The following DENND3 variants were observed in gnomAD, a reference collection of about 807,000 sequenced individuals.
The protein encoded by DENND3 is DENN domain-containing protein 3.
A neutral mutation model predicts 135.1 loss-of-function variants in DENND3; 88 were observed. The ratio of observed to expected loss-of-function variants is 0.65; its 90% confidence interval spans 0.55 to 0.78. The LOEUF (loss-of-function observed/expected upper bound fraction) is 0.78, where lower values mean the gene tolerates loss of function less well. DENND3 is among the 30% of genes least tolerant of loss of function. DENND3 has a pLI of 0.00. For synonymous variants in DENND3, 693 were observed against 712.3 expected (o/e 0.97, Z 0.43); for missense variants, 1,392 against 1,688.4 (o/e 0.82, Z 3.08).
At position 141,166,756 on chromosome 8, in the gene DENND3, G is replaced by A. The variant is rs774641907; in HGVS notation, c.1753+367G>A. Among the ~76,000 whole-genome samples the A allele has an allele frequency of 1.3e-4, 20 of 152,202 alleles. No homozygotes were observed. The highest frequency in any genetic ancestry group is 2.4e-4 in the African/African-American group (10 of 41,444). On this transcript the variant is annotated intron_variant, in intron 12 of 22. Transcript: ENST00000519811. This position sits in a 1 kb window ranked among gnomAD's most constrained non-coding sequence, Gnocchi z 4.3. Reference sequence around the variant, plus strand: ...AGCGCACCAGGCACTTTCTAGAGCCGGAGCTGTGAAGGAGCCCAGTGCCCC... The same window carrying A: ...AGCGCACCAGGCACTTTCTAGAGCCAGAGCTGTGAAGGAGCCCAGTGCCCC...
chr8:141,165,408 C>A, intron 11 of DENND3, 119 bp downstream of exon 11: 1 of 718,548 alleles, frequency 1.4e-6, no homozygotes, highest in Non-Finnish European at 2.3e-6. Flanking sequence ...TGCTTAGAAA[C>A]TCATGATGAA....
Position 141,185,190 on chromosome 8 carries a change from G to T in DENND3, c.2996G>T (p.Cys999Phe). The T allele has an allele frequency of 1.2e-6, 2 of 1,614,220 alleles. No individual in the cohort carries two copies. Among genetic ancestry groups the T allele is most frequent in the African/African-American group, 2.7e-5 (2 of 75,060 alleles). The change falls in exon 18 of 23, where the codon TGT becomes TTT. Residue 999 changes from cysteine (C) to phenylalanine (F), a missense_variant. Cys to Phe is a radical substitution (Grantham distance 205). Transcript: ENST00000519811. ...GAAGATGCTCACCCCAAGTTATGGT[G>T]TGCTCTGAGCGAAGGCAAGGTGACC... The part of the protein sequence containing the change: ...KVEDAHPKLW[C>F]ALSEGKVTVF...
chr8:141,193,023 C>A (rs71516606), intron 22 of DENND3: 10 of 667,018 alleles, frequency 1.5e-5, no homozygotes, highest in African/African-American at 9.5e-5. Flanking sequence ...TTCTCTCCCC[C>A]ACCCGCTCAT....
chr8:141,150,744 T>C (rs1818696614), intron 5 of DENND3, 90 bp from the exon 6 acceptor site: 2 of 1,444,106 alleles, frequency 1.4e-6, no homozygotes, highest in Non-Finnish European at 1.8e-6. Flanking sequence ...CTAACTCTGA[T>C]GCCCTGGGCA....
chr8:141,134,395 C>T (rs917691214), intron 1 of DENND3, among the ~76,000 whole-genome samples: 75 of 149,744 alleles, frequency 5.0e-4, no homozygotes, highest in African/African-American at 1.6e-3. Flanking sequence ...CCCGGGTTCA[C>T]GCCATTCTCC....
Position 141,168,375 on chromosome 8 carries a change from C to T in DENND3, c.2125C>T (p.His709Tyr). 6.2e-7 allele frequency: 1 copy of T among 1,613,902 alleles called. No homozygotes were observed. Among genetic ancestry groups the T allele is most frequent in the Non-Finnish European group, 8.5e-7 (1 of 1,180,016 alleles). Residue 709 changes from histidine to tyrosine, a missense_variant, in exon 13 of 23, where the codon CAC becomes TAC. Coordinates refer to ENST00000519811, the MANE Select transcript of DENND3 (RefSeq NM_001352890.3). This position sits in a 1 kb window ranked among gnomAD's most constrained non-coding sequence, Gnocchi z 6.2. ...RLISEILDKP[H>Y]EASKLDDHVK... ...CATCAGCGAGATCCTGGACAAGCCG[C>T]ACGAGGCCTCGAAGCTGGACGACCA...
At chr8:141,183,419 ATTTTTTTT>A (rs1224506549) in intron 17 of DENND3, among the ~76,000 whole-genome samples, 1 of 121,640 alleles carries the variant, frequency 8.2e-6, no homozygotes, top group East Asian at 2.4e-4. Context: ...CAATTTTTGT[ATTTTTTTT>A]TTTTTTTTTT....
At chr8:141,189,173 G>A (rs762219498) in intron 19 of DENND3, 27 bp downstream of exon 19, 1 of 1,613,860 alleles carries the variant, frequency 6.2e-7, no homozygotes, top group East Asian at 2.2e-5. Context: ...TGGGGAGAAG[G>A]GACTGTTTGG....
At chr8:141,193,910 GC>G (rs1825100515) in intron 22 of DENND3, 122 bp from the exon 23 acceptor site, 1 of 1,113,804 alleles carries the variant, frequency 9.0e-7, no homozygotes, top group Non-Finnish European at 1.3e-6. Context: ...GGCGGCAGAG[GC>G]CCTGTCCAGG....
rs111576180 is a variant in DENND3 at position 141,182,055 on chromosome 8, C to T, written c.2944+1201C>T. On this transcript the variant is annotated intron_variant, in intron 17 of 22. Coordinates refer to ENST00000519811, the MANE Select transcript of DENND3 (RefSeq NM_001352890.3). The surrounding 1 kb of genome is among the most constrained non-coding windows in gnomAD (Gnocchi z 5.9). ...GCGATACCTCTCCACCTTGGCCTCC[C>T]GAAGCGCTGGGATTACAGGTGTGAG... Among the ~76,000 whole-genome samples, 717 of 152,256 alleles carry T rather than the reference C, an allele frequency of 4.7e-3. 4 individuals are homozygous for T. Among genetic ancestry groups the T allele is most frequent in the African/African-American group, 0.017 (693 of 41,538 alleles).
At chr8:141,161,758 G>A (rs560593759) in intron 9 of DENND3, among the ~76,000 whole-genome samples, 13 of 150,026 alleles carry the variant, frequency 8.7e-5, no homozygotes, top group African/African-American at 3.2e-4. Flanking sequence ...TGGCTTGATC[G>A]TACTCTGCGT....
At chr8:141,134,708 G>GCTGC (rs1646337989) in intron 1 of DENND3, among the ~76,000 whole-genome samples, 1 of 152,152 alleles carries the variant, frequency 6.6e-6, no homozygotes, top group African/African-American at 2.4e-5. Flanking sequence ...GATGGAAACT[G>GCTGC]CTGCCGTTGT....
Position 141,190,408 on chromosome 8 carries a change from C to T in DENND3, c.3370C>T (p.Leu1124=), listed in dbSNP as rs901791685. 1 of 1,608,808 alleles carries T rather than the reference C, an allele frequency of 6.2e-7. No homozygotes were observed. The highest frequency in any genetic ancestry group is 8.5e-7 in the Non-Finnish European group (1 of 1,178,554). Residue 1124 remains leucine (L), a synonymous_variant, in exon 20 of 23, where the codon CTG becomes TTG. Coordinates refer to ENST00000519811, the MANE Select transcript of DENND3 (RefSeq NM_001352890.3). ...LTSIRLHGGR[L]WCCTGNSIMV... ...GTCCATCAGACTGCACGGCGGCCGC[C>T]TGTGGTGCTGTAAGTCCGGCCCCTG...
chr8:141,151,072 C>T (rs1366011956), intron 6 of DENND3, 119 bp downstream of exon 6: 23 of 1,332,018 alleles, frequency 1.7e-5, no homozygotes, highest in Non-Finnish European at 2.1e-5. Context: ...CTGGTATACT[C>T]GAAATGTTTA....
rs1463280906 is a variant in DENND3 at position 141,141,413 on chromosome 8, G to GT, written c.623+90dup. The GT allele has an allele frequency of 8.5e-5, 126 of 1,484,116 alleles. No individual in the cohort carries two copies. The African/African-American group carries it at 1.7e-3, about 20-fold the overall frequency. The allele number at this position is 1,484,116 out of a possible 1,614,324, so 91.9% of individuals were successfully genotyped here. A position where few individuals can be genotyped will look rare whatever the true frequency, so the allele number is the denominator to read the frequency against. On this transcript the variant is annotated intron_variant, in intron 4 of 22. Coordinates refer to ENST00000519811, the MANE Select transcript of DENND3 (RefSeq NM_001352890.3). This position sits in a 1 kb window ranked among gnomAD's most constrained non-coding sequence, Gnocchi z 5.3. ...CCAAGGGACCAGGGGGCTGGAGGTG[G>GT]TGGGGGGGCAGCTCTCTGTTCCTCT...
rs1820987191 is a variant in DENND3, at chr8:141,167,685, A to G, written c.1754-319A>G. Among the ~76,000 whole-genome samples the G allele has an allele frequency of 6.6e-6, 1 of 152,178 alleles. No individual in the cohort carries two copies. On this transcript the variant is annotated intron_variant, in intron 12 of 22. Transcript: ENST00000519811. This position sits in a 1 kb window ranked among gnomAD's most constrained non-coding sequence, Gnocchi z 4.1. ...GGGCTTCATCCTGCCTAGCAGGTAC[A>G]TCTTGGCTTAGGCTATTAGCTTCAT...
At position 141,136,591 on chromosome 8, in the gene DENND3, G is replaced by T; in HGVS notation, c.185G>T (p.Ser62Ile). ...VLSIFVPPFI[S>I]KEDSQMAGAN... is the part of the protein sequence containing the mutation. ...TCCATTTTCGTGCCTCCTTTTATCAGTAAAGAGGACAGTCAAATGGCCGGT... is the reference window on the plus strand; with the variant it reads ...TCCATTTTCGTGCCTCCTTTTATCATTAAAGAGGACAGTCAAATGGCCGGT... The change falls in exon 2 of 23, where the codon AGT (serine) becomes ATT (isoleucine). Residue 62 changes from serine (S) to isoleucine (I), a missense_variant. By Grantham distance (142) the Ser-to-Ile change is moderately radical. Transcript: ENST00000519811. 6.3e-7 allele frequency: 1 copy of T among 1,590,068 alleles called. No individual in the cohort carries two copies. Among genetic ancestry groups the T allele is most frequent in the South Asian group, 1.1e-5 (1 of 87,356 alleles).
intron 9 of DENND3, among the ~76,000 whole-genome samples, chr8:141,162,901 A>G (rs554776810): frequency 6.6e-6 from 1 of 152,348 alleles, no homozygotes; most frequent in Admixed American, 6.5e-5. Context: ...GCCATAGAGC[A>G]AGACCCCGTC....
Position 141,144,190 on chromosome 8 carries a change from C to T in DENND3, c.666C>T (p.Asp222=), listed in dbSNP as rs763004692. The T allele has an allele frequency of 3.7e-6, 6 of 1,613,684 alleles. No homozygotes were observed. The highest frequency in any genetic ancestry group is 1.7e-5 in the Admixed American group (1 of 59,932). The change falls in exon 5 of 23, where the codon GAC becomes GAT. Residue 222 remains aspartate (D), a synonymous_variant. Transcript: ENST00000519811. The surrounding 1 kb of genome is among the most constrained non-coding windows in gnomAD (Gnocchi z 4.4). ...LLKPCKDFEV[D]SHIKDFAAKL... ...AGCCCTGTAAAGATTTTGAAGTGGA[C>T]AGTCATATAAAAGATTTCGCTGCGA...
Sources: gnomAD v4.1 joint callset for allele counts (sites outside exome capture counted in the v4.1 genomes callset) on GRCh38, gnomAD v4.1.1 for gene constraint, Gnocchi (gnomAD v3.1) non-coding constraint, MANE v1.5 for transcripts, NCBI Gene and HGNC (gene_info 2026-07-23, HGNC 2026-07-21) for gene names.